Variants in CTNNA2 observed in about 807,000 individuals in gnomAD.
CTNNA2 encodes catenin alpha-2.
In CTNNA2, 42 loss-of-function variants were observed where a neutral mutation model predicts 101.0. The ratio of observed to expected loss-of-function variants is 0.42; its 90% confidence interval spans 0.32 to 0.54. CTNNA2 has a LOEUF of 0.54. Ranked by LOEUF, CTNNA2 falls within the 20% of genes least tolerant of loss-of-function variation. The pLI, the probability that CTNNA2 is intolerant of heterozygous loss-of-function variation, is 0.14. For synonymous variants in CTNNA2, 450 were observed against 456.4 expected (o/e 0.99, Z 0.18); for missense variants, 871 against 1,223.1 (o/e 0.71, Z 4.29).
chr2:80,234,997 A>G (rs1000601125), intron 7 of CTNNA2, among the ~76,000 whole-genome samples: 2 of 152,148 alleles, frequency 1.3e-5, no homozygotes, highest in Non-Finnish European at 2.9e-5. Context: ...CAGGCTATCT[A>G]ATCACTTGTT....
chr2:79,990,586 G>A (rs989890822), intron 7 of CTNNA2, among the ~76,000 whole-genome samples: 6 of 152,102 alleles, frequency 3.9e-5, no homozygotes, highest in Admixed American at 2.6e-4. Flanking sequence ...ATAAATAATA[G>A]TAAAGCATTT....
At chr2:80,118,479 TGTTTA>T (rs1311548420) in intron 7 of CTNNA2, among the ~76,000 whole-genome samples, 1 of 152,218 alleles carries the variant, frequency 6.6e-6, no homozygotes, top group Non-Finnish European at 1.5e-5. Flanking sequence ...AGGCATGATT[TGTTTA>T]GTTTAATAAG....
chr2:79,785,068 G>A (rs7578248), intron 3 of CTNNA2, among the ~76,000 whole-genome samples: 26,463 of 151,998 alleles, frequency 0.17, 4,409 homozygotes, highest in African/African-American at 0.42. Context: ...TCCAAACAAC[G>A]CCATCTCTTA....
intron 2 of CTNNA2, among the ~76,000 whole-genome samples, chr2:79,280,705 T>C (rs1466494127): frequency 1.0e-5 from 1 of 100,366 alleles, no homozygotes; most frequent in African/African-American, 3.5e-5. Flanking sequence ...GAGAGAGACC[T>C]ATAGCTCCCA....
At chr2:79,442,501 T>C (rs1359772418) in intron 4 of CTNNA2, among the ~76,000 whole-genome samples, 1 of 152,194 alleles carries the variant, frequency 6.6e-6, no homozygotes, top group Non-Finnish European at 1.5e-5. Flanking sequence ...TGTTACAAAA[T>C]GGCTTCCAAT....
chr2:80,542,081 C>A (rs1691611902), intron 9 of CTNNA2, among the ~76,000 whole-genome samples: 1 of 148,188 alleles, frequency 6.7e-6, no homozygotes, highest in Non-Finnish European at 1.5e-5. Flanking sequence ...CAATAAACAT[C>A]TTGATTATAT....
intron 7 of CTNNA2, among the ~76,000 whole-genome samples, chr2:80,386,636 G>A (rs567297078): frequency 1.3e-5 from 2 of 152,318 alleles, no homozygotes; most frequent in South Asian, 2.1e-4. Context: ...TGGAGATAGA[G>A]TGCATGGCAT....
chr2:80,524,924 C>A (rs1252998477), intron 9 of CTNNA2, among the ~76,000 whole-genome samples: 1 of 152,112 alleles, frequency 6.6e-6, no homozygotes, highest in African/African-American at 2.4e-5. Context: ...CTTGCCACCC[C>A]CACCTCATAC....
chr2:79,241,025 T>A (rs1674619215), intron 2 of CTNNA2, among the ~76,000 whole-genome samples: 2 of 152,182 alleles, frequency 1.3e-5, no homozygotes. Context: ...CCCTTTTTGG[T>A]AAGGAATTTT....
At chr2:80,202,711 A>G (rs1489286590) in intron 7 of CTNNA2, among the ~76,000 whole-genome samples, 1 of 151,774 alleles carries the variant, frequency 6.6e-6, no homozygotes, top group Non-Finnish European at 1.5e-5. Context: ...GGAGCAAAGA[A>G]CTTTGTTTCC....
At chr2:79,447,263 C>G (rs1678843332) in intron 4 of CTNNA2, among the ~76,000 whole-genome samples, 1 of 151,938 alleles carries the variant, frequency 6.6e-6, no homozygotes, top group African/African-American at 2.4e-5. Context: ...TCAATTATCT[C>G]TCCTGTTTCC....
intron 9 of CTNNA2, among the ~76,000 whole-genome samples, chr2:80,520,538 G>A (rs1689457339): frequency 6.6e-6 from 1 of 152,146 alleles, no homozygotes; most frequent in African/African-American, 2.4e-5. Context: ...GCATGGTCGG[G>A]TTCTGATGAG....
At chr2:79,388,709 C>T (rs1678134366) in intron 4 of CTNNA2, among the ~76,000 whole-genome samples, 2 of 152,152 alleles carry the variant, frequency 1.3e-5, no homozygotes, top group African/African-American at 4.8e-5. Flanking sequence ...CTGACAACTA[C>T]TTCATTCCCT....
intron 7 of CTNNA2, among the ~76,000 whole-genome samples, chr2:80,166,506 G>T (rs1247618526): frequency 6.6e-6 from 1 of 152,180 alleles, no homozygotes; most frequent in Non-Finnish European, 1.5e-5. Flanking sequence ...GAAGCTCCAT[G>T]CCACCTCCTA....
At chr2:79,473,451 C>T (rs1671022267) in intron 4 of CTNNA2, among the ~76,000 whole-genome samples, 1 of 152,108 alleles carries the variant, frequency 6.6e-6, no homozygotes, top group South Asian at 2.1e-4. Context: ...AATGCACACA[C>T]ACACACACCA....
rs187825649 is a variant in CTNNA2, at chr2:79,329,120, G to T, written c.-318+16324G>T. 2.0e-5 allele frequency among the ~76,000 whole-genome samples: 3 copies of T among 152,144 alleles called. No homozygotes were observed. In the East Asian group the frequency reaches 5.8e-4, roughly 29 times the overall value. ...TGCAAAGACCCTATTTCCAAATAAG[G>T]TCACAATAACAGGTTTTGGGTGGGC... On this transcript the variant is annotated intron_variant, in intron 3 of 21. Coordinates refer to the CTNNA2 transcript ENST00000466387.
chr2:80,597,883 A>C (rs925061884), intron 15 of CTNNA2, among the ~76,000 whole-genome samples: 16 of 152,218 alleles, frequency 1.1e-4, no homozygotes, highest in Non-Finnish European at 1.8e-4. Flanking sequence ...AGTGTAAATT[A>C]GTTGAACCAT....
chr2:79,513,988 C>G (rs903334000), intron 1 of CTNNA2, among the ~76,000 whole-genome samples: 5 of 152,108 alleles, frequency 3.3e-5, no homozygotes, highest in African/African-American at 1.2e-4. Flanking sequence ...TTCTTTTCCC[C>G]TAGGCCTCTT....
chr2:79,856,485 G>C (rs1461552133), intron 3 of CTNNA2, among the ~76,000 whole-genome samples: 1 of 152,114 alleles, frequency 6.6e-6, no homozygotes, highest in Non-Finnish European at 1.5e-5. Flanking sequence ...TGAATAAATT[G>C]TTTGATCTTG....
Sources: allele counts gnomAD v4.1 joint callset (sites outside exome capture counted in the v4.1 genomes callset), GRCh38; gene constraint gnomAD v4.1.1; transcripts MANE v1.5; gene names NCBI Gene and HGNC (gene_info 2026-07-23, HGNC 2026-07-21).